PBX4: variants seen among roughly 807,000 people sequenced by gnomAD.
PBX4 encodes the protein PBX homeobox 4.
In PBX4, 26 loss-of-function variants were observed where a neutral mutation model predicts 35.1. That is an observed-to-expected ratio of 0.74 (90% CI 0.54 to 1.03). PBX4 has a LOEUF of 1.03. Among genes scored for constraint, PBX4 ranks in the 50% least tolerant of loss-of-function variants. PBX4 has a pLI of 0.00. For synonymous variants in PBX4, 199 were observed against 204.2 expected, an observed-to-expected ratio of 0.97 and a Z score of 0.22; for missense variants, 448 against 504.3, an observed-to-expected ratio of 0.89 and a Z score of 1.07.
Position 19,618,619 on chromosome 19 carries a change from G to GGGGCGGCCATGAGCGGCA in PBX4, c.-8_10dup (p.Ala3_Pro4insLeuProLeuMetAlaAla). On this transcript the variant is annotated inframe_insertion, in exon 1 of 8. Transcript: ENST00000251203. ...GGGGGGCGATGGCGCGGGGCGCGGC[G>GGGGCGGCCATGAGCGGCA]GGGCGGCCATGAGCGGCAGGGCCGG... is the stretch of plus-strand genomic sequence containing the variant. 8.0e-7 allele frequency: 1 copy of GGGGCGGCCATGAGCGGCA among 1,252,270 alleles called. No individual in the cohort carries two copies. Among genetic ancestry groups the GGGGCGGCCATGAGCGGCA allele is most frequent in the Non-Finnish European group, 1.0e-6 (1 of 996,986 alleles). The allele number at this position is 1,252,270 out of a possible 1,614,324, so 77.6% of individuals were successfully genotyped here.
At chr19:19,608,890 C>T (rs1032118061) in intron 1 of PBX4, among the ~76,000 whole-genome samples, 2 of 152,190 alleles carry the variant, frequency 1.3e-5, no homozygotes, top group Admixed American at 6.5e-5. Context: ...CCCGTGTCAC[C>T]GCACTCTCCA....
intron 2 of PBX4, among the ~76,000 whole-genome samples, chr19:19,593,311 C>T (rs1568391198): frequency 2.0e-5 from 3 of 152,182 alleles, no homozygotes; most frequent in Admixed American, 2.0e-4. Context: ...TGGGTTAAAT[C>T]GAGAAGCACG....
rs554917918 is a variant in PBX4 at position 19,569,017 on chromosome 19, G to A, written c.768+432C>T. 4.2e-4 allele frequency among the ~76,000 whole-genome samples: 64 copies of A among 152,170 alleles called. 1 individual carries two copies. The highest frequency in any genetic ancestry group is 7.8e-4 in the Non-Finnish European group (53 of 68,024). On this transcript the variant is annotated intron_variant, in intron 5 of 7. Transcript: ENST00000251203. ...GTAATGCAGAGCCTGGATCTGAGCT[G>A]GCCTGGCTGACTCAGAGCCTGGAGA...
rs201537948 is a variant in PBX4, at chr19:19,569,478, C to T, written c.739G>A (p.Ala247Thr). The T allele has an allele frequency of 1.3e-5, 21 of 1,612,998 alleles. No homozygotes were observed. Among genetic ancestry groups the T allele is most frequent in the Non-Finnish European group, 1.7e-5 (20 of 1,179,546 alleles). Reference protein sequence around the residue: ...YPSEEAKEELARKGGLTISQV... With the variant: ...YPSEEAKEELTRKGGLTISQV... ...GAGATGGTGAGGCCGCCCTTCCTGGCCAGCTCTTCTTTGGCTTCTTCGCTG... is the reference window on the plus strand; with the variant it reads ...GAGATGGTGAGGCCGCCCTTCCTGGTCAGCTCTTCTTTGGCTTCTTCGCTG... Residue 247 changes from alanine to threonine, a missense_variant, in exon 5 of 8, where the codon GCC becomes ACC. Transcript: ENST00000251203.
intron 1 of PBX4, among the ~76,000 whole-genome samples, chr19:19,609,940 T>C (rs2061654253): frequency 6.6e-6 from 1 of 152,160 alleles, no homozygotes; most frequent in Non-Finnish European, 1.5e-5. Flanking sequence ...GAAATCCTTA[T>C]TGTCATCATC....
intron 2 of PBX4, among the ~76,000 whole-genome samples, chr19:19,571,317 G>T (rs988311405): frequency 1.2e-4 from 18 of 152,170 alleles, no homozygotes; most frequent in Non-Finnish European, 2.1e-4. Flanking sequence ...TGGGGTGTGT[G>T]TGTGTTGGGG....
intron 5 of PBX4, 110 bp from the exon 6 acceptor site, chr19:19,565,199 C>T: frequency 7.7e-7 from 1 of 1,297,812 alleles, no homozygotes; most frequent in Non-Finnish European, 1.1e-6. Flanking sequence ...TAGAAGACAA[C>T]ACTGCACCCT....
intron 1 of PBX4, among the ~76,000 whole-genome samples, chr19:19,616,536 C>T (rs879795732): frequency 1.3e-4 from 19 of 150,042 alleles, no homozygotes; most frequent in Admixed American, 9.3e-4. Flanking sequence ...AGGCTGGTCT[C>T]GAACTCTTGA....
At chr19:19,590,744 C>T (rs538495918) in intron 2 of PBX4, among the ~76,000 whole-genome samples, 1 of 152,302 alleles carries the variant, frequency 6.6e-6, no homozygotes, top group African/African-American at 2.4e-5. Context: ...GCTGGAATTA[C>T]AGGTGTGAGC....
At chr19:19,573,518 C>A (rs1306072918) in intron 2 of PBX4, among the ~76,000 whole-genome samples, 1 of 152,124 alleles carries the variant, frequency 6.6e-6, no homozygotes, top group East Asian at 1.9e-4. Flanking sequence ...CACAAAGTTG[C>A]AGACATGCAG....
intron 2 of PBX4, among the ~76,000 whole-genome samples, chr19:19,586,117 T>G (rs974518317): frequency 3.9e-5 from 6 of 152,182 alleles, no homozygotes; most frequent in Non-Finnish European, 8.8e-5. Context: ...TCTGTACATT[T>G]AAAAAATAAA....
chr19:19,610,631 T>C (rs1214440857), intron 1 of PBX4, among the ~76,000 whole-genome samples: 1 of 151,904 alleles, frequency 6.6e-6, no homozygotes, highest in Non-Finnish European at 1.5e-5. Context: ...GGCGCATGCA[T>C]GTAATCCTAG....
At chr19:19,616,103 C>T (rs1334109179) in intron 1 of PBX4, among the ~76,000 whole-genome samples, 1 of 152,088 alleles carries the variant, frequency 6.6e-6, no homozygotes, top group East Asian at 1.9e-4. Flanking sequence ...AGGCCTCATC[C>T]TCCAAAAGGA....
intron 2 of PBX4, among the ~76,000 whole-genome samples, chr19:19,588,598 C>T (rs1438735583): frequency 1.3e-5 from 2 of 152,066 alleles, no homozygotes; most frequent in South Asian, 2.1e-4. Flanking sequence ...TGAAGAAATG[C>T]TCTAATTTCA....
chr19:19,584,831 G>A (rs997632918), intron 2 of PBX4, among the ~76,000 whole-genome samples: 4 of 151,508 alleles, frequency 2.6e-5, no homozygotes, highest in South Asian at 2.1e-4. Context: ...TCACTATGTT[G>A]GCCAGGCTGG....
chr19:19,571,068 G>A (rs1388645397), intron 2 of PBX4, among the ~76,000 whole-genome samples: 4 of 152,232 alleles, frequency 2.6e-5, no homozygotes, highest in East Asian at 3.9e-4. Context: ...GACACAGGTC[G>A]CAGTTTGGCA....
At position 19,579,299 on chromosome 19, in the gene PBX4, G is replaced by C. The variant is rs956714611; in HGVS notation, c.194-8466C>G. ...GGGAGGCGGAGGTTGCAGTGAGCCG[G>C]GATTAAGCCACTACAGCCTGGCAAC... On this transcript the variant is annotated intron_variant, in intron 2 of 7. Transcript: ENST00000251203. Among the ~76,000 whole-genome samples the C allele has an allele frequency of 2.2e-4, 34 of 151,802 alleles. No individual in the cohort carries two copies. In the Middle Eastern group the frequency reaches 0.01, roughly 46 times the overall value.
At chr19:19,585,689 G>T (rs2061484546) in intron 2 of PBX4, among the ~76,000 whole-genome samples, 1 of 152,142 alleles carries the variant, frequency 6.6e-6, no homozygotes, top group Non-Finnish European at 1.5e-5. Context: ...ATTTGTTTCT[G>T]CCCCACCCTA....
At chr19:19,601,330 G>A (rs976819855) in intron 1 of PBX4, among the ~76,000 whole-genome samples, 1 of 152,204 alleles carries the variant, frequency 6.6e-6, no homozygotes, top group South Asian at 2.1e-4. Flanking sequence ...TTTGAGACCA[G>A]GCTGCTGAGT....
Sources: allele counts gnomAD v4.1 joint callset (sites outside exome capture counted in the v4.1 genomes callset), GRCh38; gene constraint gnomAD v4.1.1; transcripts MANE v1.5; gene names NCBI Gene and HGNC (gene_info 2026-07-23, HGNC 2026-07-21).